Variants in PAK1 observed in about 807,000 individuals in gnomAD.
PAK1 encodes the protein serine/threonine-protein kinase PAK 1.
In PAK1, 29 loss-of-function variants were observed where a neutral mutation model predicts 67.4. The ratio of observed to expected loss-of-function variants is 0.43; its 90% confidence interval spans 0.32 to 0.59. PAK1 has a LOEUF of 0.59. Among genes scored for constraint, PAK1 ranks in the 20% least tolerant of loss-of-function variants. The probability of loss-of-function intolerance (pLI) is 0.07; values close to 1 mark genes in which losing one functional copy is unlikely to be tolerated. For missense variants in PAK1, 337 were observed against 670.7 expected (o/e 0.50, Z 5.50); for synonymous variants, 223 against 237.4 (o/e 0.94, Z 0.56).
the PAK1 span, among the ~76,000 whole-genome samples, chr11:77,490,846 C>G: frequency 3.9e-5 from 6 of 152,224 alleles, no homozygotes; most frequent in Non-Finnish European, 8.8e-5. Context: ...CCTGTGCCCT[C>G]TGAAACATGT....
chr11:77,404,989 G>A (rs1953267678), intron 1 of PAK1, among the ~76,000 whole-genome samples: 1 of 152,206 alleles, frequency 6.6e-6, no homozygotes, highest in African/African-American at 2.4e-5. Flanking sequence ...ATGAGGGGGA[G>A]GCGCATGCAT....
chr11:77,428,504 G>A (rs1390774300), intron 1 of PAK1, among the ~76,000 whole-genome samples: 2 of 151,782 alleles, frequency 1.3e-5, no homozygotes, highest in Non-Finnish European at 2.9e-5. Context: ...CCTAGGAGGC[G>A]GAGGTTGCAG....
At chr11:77,460,268 G>T (rs1957280114) in intron 1 of PAK1, among the ~76,000 whole-genome samples, 1 of 151,078 alleles carries the variant, frequency 6.6e-6, no homozygotes, top group South Asian at 2.1e-4. Context: ...CAGCCAGCCA[G>T]CCATTGAGGT....
chr11:77,431,455 A>C, intron 1 of PAK1, among the ~76,000 whole-genome samples: 1 of 152,176 alleles, frequency 6.6e-6, no homozygotes, highest in Middle Eastern at 3.2e-3. Flanking sequence ...CCTGAAAAAC[A>C]TGTACTCCTA....
At chr11:77,426,434 G>A (rs1955549066) in intron 1 of PAK1, among the ~76,000 whole-genome samples, 1 of 152,076 alleles carries the variant, frequency 6.6e-6, no homozygotes, top group Non-Finnish European at 1.5e-5. Flanking sequence ...CCTAATAACA[G>A]CCCTTTAAAA....
the PAK1 span, among the ~76,000 whole-genome samples, chr11:77,520,734 G>T: frequency 6.6e-6 from 1 of 152,150 alleles, no homozygotes. Context: ...AAGTCCCAGG[G>T]CTTCAGGATA....
At position 77,380,387 on chromosome 11, in the gene PAK1, T is replaced by A. The variant is rs145459752; in HGVS notation, c.191-393A>T. Reference sequence around the variant, plus strand: ...GCATGCCTGTAATGCCAGCTACTTGTGAAGCTGAGGCAAGAGGATCATTTG... The same window carrying A: ...GCATGCCTGTAATGCCAGCTACTTGAGAAGCTGAGGCAAGAGGATCATTTG... On this transcript the variant is annotated intron_variant, in intron 2 of 14. Transcript: ENST00000356341. 8.7e-4 allele frequency among the ~76,000 whole-genome samples: 133 copies of A among 152,120 alleles called. 1 individual carries two copies. The highest frequency in any genetic ancestry group is 2.9e-3 in the African/African-American group (121 of 41,494).
Position 77,374,364 on chromosome 11 carries a change from A to C in PAK1, c.441T>G (p.Asp147Glu). 1.3e-6 allele frequency: 2 copies of C among 1,595,156 alleles called. No homozygotes were observed. The highest frequency in any genetic ancestry group is 1.7e-6 in the Non-Finnish European group (2 of 1,162,996). Reference sequence around the variant, plus strand: ...AAGAATTGTAATCCTCAGCTGACTTATCTGCACAGGAAGAAAAACAAGGGA... The same window carrying C: ...AAGAATTGTAATCCTCAGCTGACTTCTCTGCACAGGAAGAAAAACAAGGGA... ...SNSQKYMSFT[D>E]KSAEDYNSSN... Residue 147 changes from aspartate to glutamate, a missense_variant and splice_region_variant, in exon 5 of 15, where the codon GAT (aspartate) becomes GAG (glutamate). This residue lies in a region of PAK1 where 150 missense variants were observed against 179.0 expected (regional missense o/e 0.84). Coordinates refer to ENST00000356341, the MANE Select transcript of PAK1 (RefSeq NM_002576.5).
At position 77,323,313 on chromosome 11, in the gene PAK1, C is replaced by T; in HGVS notation, c.1599G>A (p.Leu533=). The T allele has an allele frequency of 6.2e-7, 1 of 1,614,030 alleles. No individual in the cohort carries two copies. Among genetic ancestry groups the T allele is most frequent in the Non-Finnish European group, 8.5e-7 (1 of 1,179,938 alleles). ...TTGTTGCCTCCTTAGCTGCAGCAATCAGTGGAGTGAGGCTGGAGAGGGGCT... is the reference window on the plus strand; with the variant it reads ...TTGTTGCCTCCTTAGCTGCAGCAATTAGTGGAGTGAGGCTGGAGAGGGGCT... The part of the protein sequence containing the change: ...IAKPLSSLTP[L]IAAAKEATKN... Residue 533 remains leucine (L), a synonymous_variant, in exon 15 of 15, where the codon CTG becomes CTA. Transcript: ENST00000356341.
At chr11:77,347,038 G>C in intron 9 of PAK1, 1 of 456,236 alleles carries the variant, frequency 2.2e-6, no homozygotes, top group Non-Finnish European at 4.4e-6. Context: ...AACTCACAAA[G>C]ACTGAGAGCA....
intron 1 of PAK1, among the ~76,000 whole-genome samples, chr11:77,468,890 T>C (rs968256323): frequency 8.5e-5 from 13 of 152,196 alleles, no homozygotes; most frequent in African/African-American, 3.1e-4. Context: ...AAGACTTCTA[T>C]TAATATGATC....
At chr11:77,470,349 A>G (rs1957792480) in intron 1 of PAK1, among the ~76,000 whole-genome samples, 1 of 152,150 alleles carries the variant, frequency 6.6e-6, no homozygotes, top group Non-Finnish European at 1.5e-5. Flanking sequence ...ATGATCATAT[A>G]CCACCTTTTT....
intron 4 of PAK1, 194 bp downstream of exon 4, chr11:77,379,047 G>A (rs1949477489): frequency 1.8e-6 from 1 of 570,034 alleles, no homozygotes; most frequent in East Asian, 2.8e-5. Context: ...AACGTGTGCA[G>A]TGACAGAGTG....
chr11:77,439,687 G>A (rs1170234482), intron 1 of PAK1, among the ~76,000 whole-genome samples: 1 of 152,100 alleles, frequency 6.6e-6, no homozygotes, highest in African/African-American at 2.4e-5. Context: ...CAGTACAATG[G>A]GTCATTCACT....
At chr11:77,521,282 C>T in the PAK1 span, among the ~76,000 whole-genome samples, 1 of 151,984 alleles carries the variant, frequency 6.6e-6, no homozygotes, top group African/African-American at 2.4e-5. Flanking sequence ...GTAATCCCAG[C>T]ACTTTGGGAA....
intron 5 of PAK1, 152 bp downstream of exon 5, chr11:77,374,176 A>G (rs530478379): frequency 6.7e-6 from 3 of 445,770 alleles, no homozygotes; most frequent in South Asian, 1.4e-4. Flanking sequence ...TATTATATCT[A>G]ATTTCTTTAT....
intron 7 of PAK1, among the ~76,000 whole-genome samples, 156 bp downstream of exon 7, chr11:77,355,512 G>A (rs1945895959): frequency 6.6e-6 from 1 of 152,148 alleles, no homozygotes; most frequent in Non-Finnish European, 1.5e-5. Context: ...GTGAGACAGG[G>A]AAGGGAGGTT....
intron 1 of PAK1, among the ~76,000 whole-genome samples, chr11:77,459,959 G>C (rs545524147): frequency 2.6e-5 from 4 of 151,858 alleles, no homozygotes; most frequent in East Asian, 1.9e-4. Flanking sequence ...GCCTCCCAAA[G>C]TGCTGGGATT....
the PAK1 span, among the ~76,000 whole-genome samples, chr11:77,525,329 C>CA: frequency 8.5e-4 from 117 of 136,914 alleles, 1 homozygote; most frequent in Middle Eastern, 0.018. Flanking sequence ...GACCGTGTCT[C>CA]AAAAAAAAAA....
Sources: gnomAD v4.1 joint callset for allele counts (sites outside exome capture counted in the v4.1 genomes callset) on GRCh38, gnomAD v4.1.1 for gene constraint, gnomAD v4.1.1 regional missense constraint, MANE v1.5 for transcripts, NCBI Gene and HGNC (gene_info 2026-07-23, HGNC 2026-07-21) for gene names.